Variants in DGKB observed in about 807,000 individuals in gnomAD.
DGKB encodes the protein 90 kDa diacylglycerol kinase.
DGKB carries 67 observed loss-of-function variants against 114.3 expected under a neutral mutation model. The observed-to-expected ratio is 0.59, with a 90% confidence interval of 0.48 to 0.72. DGKB has a LOEUF of 0.72. Among genes scored for constraint, DGKB ranks in the 30% least tolerant of loss-of-function variants. The pLI is 0.00. For synonymous variants in DGKB, 398 were observed against 323.1 expected (o/e 1.23, Z -2.49); for missense variants, 907 against 975.2 (o/e 0.93, Z 0.93).
intron 20 of DGKB, among the ~76,000 whole-genome samples, chr7:14,516,838 T>C (rs1336295684): frequency 6.6e-6 from 1 of 152,042 alleles, no homozygotes; most frequent in Non-Finnish European, 1.5e-5. Context: ...ACATCCATGC[T>C]CATGGACAGG....
At chr7:14,931,559 G>A (rs1306646413) in intron 1 of DGKB, among the ~76,000 whole-genome samples, 1 of 152,188 alleles carries the variant, frequency 6.6e-6, no homozygotes, top group Non-Finnish European at 1.5e-5. Flanking sequence ...AAATGCTTGG[G>A]TGTGAAGTGA....
intron 20 of DGKB, among the ~76,000 whole-genome samples, chr7:14,560,740 T>G (rs1466201721): frequency 6.6e-6 from 1 of 152,224 alleles, no homozygotes; most frequent in Admixed American, 6.5e-5. Context: ...AATTGCTGAA[T>G]TATACAACAG....
chr7:14,921,212 C>T (rs186841860), intron 1 of DGKB, among the ~76,000 whole-genome samples: 3 of 151,964 alleles, frequency 2.0e-5, no homozygotes, highest in African/African-American at 7.3e-5. Context: ...TTTAGGGTGT[C>T]AAAACTATTC....
intron 20 of DGKB, among the ~76,000 whole-genome samples, chr7:14,569,774 CAT>C (rs35406708): frequency 0.32 from 48,610 of 151,674 alleles, 9,030 homozygotes; most frequent in South Asian, 0.47. Context: ...TCCAATCTTG[CAT>C]AGTTATATAT....
At chr7:14,481,683 C>A (rs1041853944) in intron 20 of DGKB, among the ~76,000 whole-genome samples, 1 of 151,848 alleles carries the variant, frequency 6.6e-6, no homozygotes, top group Non-Finnish European at 1.5e-5. Flanking sequence ...AGTAATCTTG[C>A]ATACTATATG....
At chr7:14,779,533 T>A (rs1241736599) in intron 2 of DGKB, among the ~76,000 whole-genome samples, 1 of 151,996 alleles carries the variant, frequency 6.6e-6, no homozygotes, top group African/African-American at 2.4e-5. Context: ...AAAAAGAATA[T>A]GATTATAACC....
intron 17 of DGKB, among the ~76,000 whole-genome samples, chr7:14,594,815 A>G (rs1382890970): frequency 4.6e-5 from 7 of 152,126 alleles, no homozygotes; most frequent in Non-Finnish European, 7.4e-5. Flanking sequence ...GGGAAAAAAG[A>G]CTTTGCTTAG....
At chr7:14,287,265 T>G (rs116744745) in intron 23 of DGKB, among the ~76,000 whole-genome samples, 1 of 152,260 alleles carries the variant, frequency 6.6e-6, no homozygotes, top group African/African-American at 2.4e-5. Context: ...GGGTTTAAGA[T>G]TTTATTGATC....
At chr7:14,725,139 C>T (rs917615451) in intron 5 of DGKB, among the ~76,000 whole-genome samples, 1 of 151,808 alleles carries the variant, frequency 6.6e-6, no homozygotes, top group African/African-American at 2.4e-5. Flanking sequence ...CCACTGCAGT[C>T]TGGGCAACAA....
chr7:14,748,289 A>C (rs556717805), intron 4 of DGKB, among the ~76,000 whole-genome samples: 1 of 152,300 alleles, frequency 6.6e-6, no homozygotes, highest in African/African-American at 2.4e-5. Context: ...ACAATGTCTA[A>C]TGGTATTAAA....
intron 6 of DGKB, among the ~76,000 whole-genome samples, chr7:14,704,718 T>A (rs1825874572): frequency 6.6e-6 from 1 of 152,172 alleles, no homozygotes; most frequent in East Asian, 1.9e-4. Flanking sequence ...CACTGACACC[T>A]CACACGGCAG....
intron 1 of DGKB, among the ~76,000 whole-genome samples, chr7:14,854,409 G>A (rs918224170): frequency 3.3e-5 from 5 of 152,166 alleles, no homozygotes; most frequent in Admixed American, 6.5e-5. Flanking sequence ...ACCAGGGACC[G>A]GTTTCGTGAA....
chr7:14,605,771 TTTA>T (rs1804387896), intron 17 of DGKB, among the ~76,000 whole-genome samples: 1 of 152,126 alleles, frequency 6.6e-6, no homozygotes. Flanking sequence ...CAGTCATGTT[TTTA>T]TTAATTATTA....
At chr7:14,179,028 C>A (rs1254484991) in intron 23 of DGKB, among the ~76,000 whole-genome samples, 2 of 152,172 alleles carry the variant, frequency 1.3e-5, no homozygotes, top group East Asian at 3.9e-4. Flanking sequence ...AGTGACAGAG[C>A]CAAAAAGTGA....
At chr7:14,221,630 C>A (rs912991563) in intron 23 of DGKB, among the ~76,000 whole-genome samples, 1 of 151,212 alleles carries the variant, frequency 6.6e-6, no homozygotes, top group African/African-American at 2.4e-5. Flanking sequence ...CTGTTATATT[C>A]TTTTCTTGTT....
At chr7:14,270,384 T>C (rs986971329) in intron 23 of DGKB, among the ~76,000 whole-genome samples, 1 of 152,174 alleles carries the variant, frequency 6.6e-6, no homozygotes, top group Non-Finnish European at 1.5e-5. Flanking sequence ...ACCTTGTTGT[T>C]AGCTTCTAAG....
intron 1 of DGKB, among the ~76,000 whole-genome samples, chr7:14,858,018 T>A (rs1362857584): frequency 6.6e-6 from 1 of 152,184 alleles, no homozygotes; most frequent in Non-Finnish European, 1.5e-5. Context: ...GGATAGTAGT[T>A]CTCAGCCATT....
At chr7:14,939,754 C>T (rs567631209) in intron 1 of DGKB, among the ~76,000 whole-genome samples, 1 of 144,762 alleles carries the variant, frequency 6.9e-6, no homozygotes, top group East Asian at 2.3e-4. Flanking sequence ...ACTGGGATTA[C>T]AGGTACCCAC....
At chr7:14,469,026 T>G (rs189457215) in intron 21 of DGKB, among the ~76,000 whole-genome samples, 1 of 152,176 alleles carries the variant, frequency 6.6e-6, no homozygotes, top group African/African-American at 2.4e-5. Context: ...AAATAAATAT[T>G]TCTGTTTTAT....
Sources: gnomAD v4.1 joint callset for allele counts (sites outside exome capture counted in the v4.1 genomes callset) on GRCh38, gnomAD v4.1.1 for gene constraint, MANE v1.5 for transcripts, NCBI Gene and HGNC (gene_info 2026-07-23, HGNC 2026-07-21) for gene names.